The following TNS3 variants were observed in gnomAD, a reference collection of about 807,000 sequenced individuals.
TNS3 encodes tensin-3.
Under a neutral mutation model 140.9 loss-of-function variants are expected in TNS3, and 45 were observed. The ratio of observed to expected loss-of-function variants is 0.32; its 90% CI spans 0.25 to 0.41. The LOEUF is 0.41. Among genes scored for constraint, TNS3 ranks in the 10% least tolerant of loss-of-function variants. The pLI is 1.00. For missense variants in TNS3, 1,716 were observed against 1,906.7 expected (o/e 0.90, Z 1.86); for synonymous variants, 815 against 788.4 (o/e 1.03, Z -0.56).
intron 4 of TNS3, among the ~76,000 whole-genome samples, chr7:47,462,651 C>A (rs1796536250): frequency 6.6e-6 from 1 of 152,070 alleles, no homozygotes; most frequent in African/African-American, 2.4e-5. Context: ...TAGTTCAAAC[C>A]CAGGACCAGG....
intron 17 of TNS3, among the ~76,000 whole-genome samples, chr7:47,353,927 G>A (rs1338653793): frequency 6.6e-6 from 1 of 151,048 alleles, no homozygotes; most frequent in Non-Finnish European, 1.5e-5. Context: ...GGGAGGTATG[G>A]CCTTCACCAA....
rs1562675817 is a variant in TNS3 at position 47,389,128 on chromosome 7, A to AGCG, written c.1024+7671_1024+7672insCGC. Reference sequence around the variant, plus strand: ...CGGAAGCAGAAGAAGAAGAAGAAGAAGAAGAAGAAGAAGAAGAAGAAGAAG... The same window carrying AGCG: ...CGGAAGCAGAAGAAGAAGAAGAAGAAGCGGAAGAAGAAGAAGAAGAAGAAGAAG... On this transcript the variant is annotated intron_variant, in intron 16 of 30. Coordinates refer to ENST00000311160, the MANE Select transcript of TNS3 (RefSeq NM_022748.12). 1.6e-3 allele frequency among the ~76,000 whole-genome samples: 51 copies of AGCG among 32,386 alleles called. 9 individuals are homozygous for AGCG. The highest frequency in any genetic ancestry group is 2.7e-3 in the East Asian group (2 of 750). 21.2% of individuals were successfully genotyped at this position (32,386 alleles called of 152,430 possible). A position where few individuals can be genotyped will look rare whatever the true frequency, so the allele number is the denominator to read the frequency against.
At chr7:47,378,953 A>G (rs751251576) in intron 16 of TNS3, among the ~76,000 whole-genome samples, 6 of 152,178 alleles carry the variant, frequency 3.9e-5, no homozygotes, top group Non-Finnish European at 5.9e-5. Context: ...ACAATGTGGA[A>G]CAGCCAGTGG....
intron 4 of TNS3, among the ~76,000 whole-genome samples, chr7:47,455,387 G>A (rs1418824874): frequency 6.6e-6 from 1 of 152,116 alleles, no homozygotes; most frequent in Non-Finnish European, 1.5e-5. Flanking sequence ...GCTTTAGAAT[G>A]AAGAGCTAAT....
intron 2 of TNS3, among the ~76,000 whole-genome samples, chr7:47,521,539 G>A (rs1056617788): frequency 2.6e-5 from 4 of 152,220 alleles, no homozygotes; most frequent in African/African-American, 9.6e-5. Flanking sequence ...CTGCCCCAGT[G>A]AACATCCGGA....
intron 20 of TNS3, among the ~76,000 whole-genome samples, chr7:47,339,977 A>ATATATG: frequency 6.9e-6 from 1 of 144,690 alleles, no homozygotes; most frequent in Non-Finnish European, 1.5e-5. Flanking sequence ...ATATATATAT[A>ATATATG]TATGTATACA....
chr7:47,494,503 C>T (rs1797927994), intron 3 of TNS3, among the ~76,000 whole-genome samples: 1 of 152,208 alleles, frequency 6.6e-6, no homozygotes, highest in South Asian at 2.1e-4. Flanking sequence ...CCCTGAAAGA[C>T]ACAGTTGTGA....
At chr7:47,526,059 C>T (rs768420602) in intron 2 of TNS3, among the ~76,000 whole-genome samples, 26 of 152,244 alleles carry the variant, frequency 1.7e-4, no homozygotes, top group Non-Finnish European at 3.7e-4. Context: ...CCAAGACGTG[C>T]TTGCGCGTTT....
Position 47,351,716 on chromosome 7 carries a change from G to A in TNS3, c.2282-5360C>T, listed in dbSNP as rs553259399. Among the ~76,000 whole-genome samples the A allele has an allele frequency of 1.1e-4, 16 of 152,276 alleles. No individual in the cohort carries two copies. The South Asian group carries it at 1.7e-3, about 16-fold the overall frequency. On this transcript the variant is annotated intron_variant, in intron 17 of 30. Transcript: ENST00000311160. ...AAGCCAGGCCACGGCACCTATGTCT[G>A]CTGTGTGCAAGAAAGAACCAAGGAA...
At chr7:47,306,689 C>G (rs977670826) in intron 20 of TNS3, among the ~76,000 whole-genome samples, 3 of 152,150 alleles carry the variant, frequency 2.0e-5, no homozygotes, top group African/African-American at 7.2e-5. Context: ...ATTCTCCTGC[C>G]TCGGCCTCCC....
intron 3 of TNS3, among the ~76,000 whole-genome samples, chr7:47,505,843 G>A (rs1199400494): frequency 6.6e-6 from 1 of 152,210 alleles, no homozygotes; most frequent in Non-Finnish European, 1.5e-5. Flanking sequence ...GCACATGTGT[G>A]TATTTACTCA....
intron 7 of TNS3, among the ~76,000 whole-genome samples, chr7:47,436,239 C>T (rs966682215): frequency 5.9e-5 from 9 of 152,170 alleles, no homozygotes; most frequent in Admixed American, 5.2e-4. Context: ...AATTGAGATA[C>T]TATTATACAT....
intron 2 of TNS3, among the ~76,000 whole-genome samples, chr7:47,511,008 G>A (rs375855212): frequency 1.4e-4 from 21 of 152,308 alleles, no homozygotes; most frequent in African/African-American, 3.6e-4. Flanking sequence ...GAAGTTCTGC[G>A]AAATTGTCAG....
chr7:47,468,017 A>C (rs563002061), intron 4 of TNS3, among the ~76,000 whole-genome samples: 1 of 152,254 alleles, frequency 6.6e-6, no homozygotes, highest in South Asian at 2.1e-4. Flanking sequence ...TCCTTGTCAC[A>C]TGCCAACTTC....
chr7:47,504,635 C>T (rs2151874130), intron 3 of TNS3, among the ~76,000 whole-genome samples: 1 of 152,200 alleles, frequency 6.6e-6, no homozygotes, highest in East Asian at 1.9e-4. Context: ...TAATGAAGGA[C>T]TCAAAAGCCG....
chr7:47,491,162 T>C (rs573304516), intron 3 of TNS3, among the ~76,000 whole-genome samples: 1 of 152,338 alleles, frequency 6.6e-6, no homozygotes, highest in Non-Finnish European at 1.5e-5. Context: ...CTCTCGTCCA[T>C]CTACGCTGCG....
chr7:47,303,449 G>A lies in TNS3; in HGVS notation c.2958C>T (p.Ser986=). The change falls in exon 22 of 31, where the codon TCC becomes TCT. Residue 986 remains serine, a synonymous_variant. Coordinates refer to ENST00000311160, the MANE Select transcript of TNS3 (RefSeq NM_022748.12). ...CCTGGAGCTCTGACGGCGGGAAGCA[G>A]GACAGCACTGGGGAGTCCTTCCTGG... ...SGTRKDSPVL[S]CFPPSELQAP... The A allele has an allele frequency of 3.7e-6, 6 of 1,612,874 alleles. No homozygotes were observed. The highest frequency in any genetic ancestry group is 2.2e-5 in the East Asian group (1 of 44,866).
At chr7:47,326,217 C>T (rs1788017873) in intron 20 of TNS3, among the ~76,000 whole-genome samples, 1 of 152,208 alleles carries the variant, frequency 6.6e-6, no homozygotes, top group East Asian at 1.9e-4. Context: ...TGCTAACCCA[C>T]ACATAGGTGT....
chr7:47,415,295 A>T, intron 10 of TNS3, 89 bp from the exon 11 acceptor site: 1 of 871,680 alleles, frequency 1.1e-6, no homozygotes, highest in Non-Finnish European at 1.8e-6. Flanking sequence ...ATCCTGGCTG[A>T]GTCTGGGGCT....
Sources: gnomAD v4.1 joint callset for allele counts (sites outside exome capture counted in the v4.1 genomes callset) on GRCh38, gnomAD v4.1.1 for gene constraint, MANE v1.5 for transcripts, NCBI Gene and HGNC (gene_info 2026-07-23, HGNC 2026-07-21) for gene names.